The following OSBPL6 variants were observed in gnomAD, a reference collection of about 807,000 sequenced individuals.
OSBPL6 encodes the protein oxysterol binding protein like 6, also known as oxysterol-binding protein-related protein 6.
OSBPL6 carries 49 observed loss-of-function variants against 125.8 expected under a neutral mutation model. The ratio of observed to expected loss-of-function variants is 0.39; its 90% CI spans 0.31 to 0.49. The LOEUF is 0.49. Ranked by LOEUF, OSBPL6 falls within the 20% of genes least tolerant of loss-of-function variation. The pLI is 0.88. For missense variants in OSBPL6, 986 were observed against 1,135.4 expected (o/e 0.87, Z 1.89); for synonymous variants, 394 against 391.8 (o/e 1.01, Z -0.07).
intron 11 of OSBPL6, among the ~76,000 whole-genome samples, chr2:178,348,921 C>T (rs1690980272): frequency 6.6e-6 from 1 of 152,134 alleles, no homozygotes; most frequent in Non-Finnish European, 1.5e-5. Flanking sequence ...TTTTGAGGTG[C>T]AAGTATGAGT....
intron 1 of OSBPL6, among the ~76,000 whole-genome samples, chr2:178,228,257 C>T (rs947036809): frequency 1.2e-4 from 18 of 152,154 alleles, no homozygotes; most frequent in Admixed American, 1.2e-3. Context: ...AAGACACGGC[C>T]GGGCGCGGTG....
intron 1 of OSBPL6, among the ~76,000 whole-genome samples, chr2:178,247,011 T>TC (rs533968337): frequency 0.015 from 1,079 of 73,596 alleles, 5 homozygotes; most frequent in South Asian, 0.035. Context: ...AACCTGCCCC[T>TC]CCCCACCCCC....
At position 178,379,330 on chromosome 2, in the gene OSBPL6, G is replaced by C. The variant is rs534921796; in HGVS notation, c.1534-3090G>C. On this transcript the variant is annotated intron_variant, in intron 15 of 24. Transcript: ENST00000190611. ...AAGAAACAGGAAGGAAGGAAGGAAAGGAAGGGAGGGAGGGAGGGAGGGAGG... is the reference window on the plus strand; with the variant it reads ...AAGAAACAGGAAGGAAGGAAGGAAACGAAGGGAGGGAGGGAGGGAGGGAGG... 9.3e-3 allele frequency among the ~76,000 whole-genome samples: 831 copies of C among 89,570 alleles called. 7 individuals carry two copies. Among genetic ancestry groups the C allele is most frequent in the African/African-American group, 0.03 (787 of 26,314 alleles). 58.8% of individuals were successfully genotyped at this position (89,570 alleles called of 152,430 possible).
At chr2:178,249,827 GTTTTTTTT>G (rs34986231) in intron 1 of OSBPL6, among the ~76,000 whole-genome samples, 2 of 119,502 alleles carry the variant, frequency 1.7e-5, no homozygotes, top group Admixed American at 8.6e-5. Flanking sequence ...AACTAGAAGT[GTTTTTTTT>G]TTTTTTTTTT....
intron 4 of OSBPL6, 108 bp from the exon 5 acceptor site, chr2:178,328,148 C>A: frequency 7.2e-7 from 1 of 1,381,762 alleles, no homozygotes; most frequent in Non-Finnish European, 9.9e-7. Flanking sequence ...ATCCTTCTTT[C>A]TGGTGGGCCT....
intron 1 of OSBPL6, among the ~76,000 whole-genome samples, chr2:178,262,628 G>A (rs2092099291): frequency 6.6e-6 from 1 of 152,186 alleles, no homozygotes; most frequent in South Asian, 2.1e-4. Flanking sequence ...CAAGAGCAGA[G>A]TTCCTTTTGA....
chr2:178,254,392 CAA>C (rs397754204), intron 1 of OSBPL6, among the ~76,000 whole-genome samples: 16 of 121,646 alleles, frequency 1.3e-4, no homozygotes, highest in Admixed American at 2.7e-4. Flanking sequence ...GATTCTGTCT[CAA>C]AAAAAAAAAA....
At chr2:178,221,605 A>T (rs2090343324) in intron 1 of OSBPL6, among the ~76,000 whole-genome samples, 1 of 152,236 alleles carries the variant, frequency 6.6e-6, no homozygotes, top group East Asian at 1.9e-4. Context: ...AAATATTCCT[A>T]CAGTGATTTA....
chr2:178,267,305 G>C (rs1412992480), intron 1 of OSBPL6, among the ~76,000 whole-genome samples: 2 of 133,108 alleles, frequency 1.5e-5, no homozygotes, highest in Non-Finnish European at 3.1e-5. Flanking sequence ...AGTGAGCTGA[G>C]ATCTTGCCAC....
chr2:178,297,937 T>C (rs530167716), intron 2 of OSBPL6, among the ~76,000 whole-genome samples: 1 of 152,356 alleles, frequency 6.6e-6, no homozygotes, highest in South Asian at 2.1e-4. Flanking sequence ...CATTGTTTGG[T>C]ATCCATCACC....
chr2:178,336,558 G>A (rs1689703391), intron 9 of OSBPL6, 125 bp downstream of exon 9: 2 of 1,090,816 alleles, frequency 1.8e-6, no homozygotes, highest in Admixed American at 2.4e-5. Flanking sequence ...ACCTTTCCTT[G>A]CTCTTTCTCC....
intron 5 of OSBPL6, among the ~76,000 whole-genome samples, chr2:178,330,973 C>T (rs1689149311): frequency 6.6e-6 from 1 of 152,188 alleles, no homozygotes; most frequent in Non-Finnish European, 1.5e-5. Context: ...AAATAATTTT[C>T]AACCTCTTTG....
intron 5 of OSBPL6, among the ~76,000 whole-genome samples, chr2:178,329,417 ATTT>A (rs199952604): frequency 2.2e-5 from 3 of 139,518 alleles, no homozygotes; most frequent in Non-Finnish European, 3.1e-5. Context: ...TTATTTACTT[ATTT>A]TTTTTTTTTT....
intron 12 of OSBPL6, among the ~76,000 whole-genome samples, chr2:178,359,351 A>G (rs934370378): frequency 6.6e-6 from 1 of 152,208 alleles, no homozygotes. Flanking sequence ...CAAAACCACT[A>G]TGCGCCACCA....
chr2:178,201,899 C>G (rs762885628), intron 1 of OSBPL6, among the ~76,000 whole-genome samples: 4 of 152,188 alleles, frequency 2.6e-5, no homozygotes, highest in African/African-American at 9.7e-5. Flanking sequence ...AGTTATAGTG[C>G]TTTATCAGAT....
chr2:178,289,441 A>C (rs1685035513), intron 2 of OSBPL6, among the ~76,000 whole-genome samples: 1 of 152,168 alleles, frequency 6.6e-6, no homozygotes, highest in African/African-American at 2.4e-5. Context: ...CTCCTTCTCC[A>C]TTTATCAGAA....
chr2:178,353,983 A>G (rs1459510108), intron 12 of OSBPL6, among the ~76,000 whole-genome samples: 4 of 152,248 alleles, frequency 2.6e-5, no homozygotes, highest in Non-Finnish European at 5.9e-5. Context: ...ATATCCAGCC[A>G]AACTAAGCTT....
At chr2:178,264,054 A>G (rs1365313858) in intron 1 of OSBPL6, among the ~76,000 whole-genome samples, 1 of 152,072 alleles carries the variant, frequency 6.6e-6, no homozygotes, top group East Asian at 1.9e-4. Flanking sequence ...GGTCACCCAC[A>G]ATGGGGCTGT....
chr2:178,265,914 CT>C (rs1482965818), intron 1 of OSBPL6, among the ~76,000 whole-genome samples: 1 of 152,096 alleles, frequency 6.6e-6, no homozygotes, highest in Non-Finnish European at 1.5e-5. Context: ...TCACAGAAAT[CT>C]CTAATTGCAA....
Sources: gnomAD v4.1 joint callset for allele counts (sites outside exome capture counted in the v4.1 genomes callset) on GRCh38, gnomAD v4.1.1 for gene constraint, MANE v1.5 for transcripts, NCBI Gene and HGNC (gene_info 2026-07-23, HGNC 2026-07-21) for gene names.